IMMP2L: variants seen among roughly 807,000 people sequenced by gnomAD.
IMMP2L encodes the protein inner mitochondrial membrane peptidase subunit 2.
A neutral mutation model predicts 19.3 loss-of-function variants in IMMP2L; 18 were observed. The observed-to-expected ratio is 0.93, with a 90% CI of 0.64 to 1.38. IMMP2L has a LOEUF of 1.38. Ranked by LOEUF, IMMP2L falls within the 40% of genes most tolerant of loss-of-function variation. IMMP2L has a pLI of 0.00. For synonymous variants in IMMP2L, 76 were observed against 73.0 expected (o/e 1.04, Z -0.21); for missense variants, 233 against 218.2 (o/e 1.07, Z -0.43).
At chr7:111,004,745 C>T (rs889155229) in intron 3 of IMMP2L, among the ~76,000 whole-genome samples, 14 of 152,150 alleles carry the variant, frequency 9.2e-5, no homozygotes, top group Non-Finnish European at 1.5e-5. Context: ...TGGTTGTGTA[C>T]TCAGTGGCTG....
chr7:110,853,029 C>G (rs1348929852), intron 5 of IMMP2L, among the ~76,000 whole-genome samples: 1 of 151,928 alleles, frequency 6.6e-6, no homozygotes, highest in Non-Finnish European at 1.5e-5. Context: ...CAAAAGATTA[C>G]TAGAACAACA....
intron 3 of IMMP2L, among the ~76,000 whole-genome samples, chr7:111,174,041 A>G (rs1806757374): frequency 6.6e-6 from 1 of 151,720 alleles, no homozygotes; most frequent in Admixed American, 6.6e-5. Flanking sequence ...ATGGAATAGC[A>G]TACTTCAATT....
chr7:111,479,726 C>T (rs1842019185), intron 3 of IMMP2L, among the ~76,000 whole-genome samples: 1 of 152,010 alleles, frequency 6.6e-6, no homozygotes, highest in South Asian at 2.1e-4. Flanking sequence ...ATATAAGAAA[C>T]AGCATTCTCA....
intron 3 of IMMP2L, among the ~76,000 whole-genome samples, chr7:111,068,757 G>T (rs561256371): frequency 6.6e-6 from 1 of 152,058 alleles, no homozygotes; most frequent in Admixed American, 6.6e-5. Flanking sequence ...ACAGAAAATA[G>T]CAACATTAAT....
intron 3 of IMMP2L, among the ~76,000 whole-genome samples, chr7:111,031,659 T>C (rs1394245302): frequency 6.6e-6 from 1 of 152,146 alleles, no homozygotes; most frequent in East Asian, 1.9e-4. Flanking sequence ...TTTATGCCTA[T>C]ACTCTGCCCT....
intron 3 of IMMP2L, among the ~76,000 whole-genome samples, chr7:111,068,051 AAAAT>A (rs1456769862): frequency 5.9e-5 from 9 of 152,214 alleles, no homozygotes; most frequent in South Asian, 2.1e-4. Flanking sequence ...ATAAAAAAGA[AAAAT>A]AAATAAATAA....
chr7:110,892,204 C>T (rs1218150396), intron 4 of IMMP2L, among the ~76,000 whole-genome samples: 1 of 152,106 alleles, frequency 6.6e-6, no homozygotes, highest in Non-Finnish European at 1.5e-5. Context: ...TACCTCTGGT[C>T]CGTTCCCTGA....
chr7:111,023,110 A>G (rs563914571), intron 3 of IMMP2L, among the ~76,000 whole-genome samples: 1 of 152,310 alleles, frequency 6.6e-6, no homozygotes, highest in Non-Finnish European at 1.5e-5. Context: ...TGCTGTGGAC[A>G]TGAGGATGTG....
At chr7:110,894,989 T>C (rs1217364229) in intron 4 of IMMP2L, among the ~76,000 whole-genome samples, 1 of 152,154 alleles carries the variant, frequency 6.6e-6, no homozygotes, top group African/African-American at 2.4e-5. Context: ...TTACCCTATG[T>C]ATTAGTCCAT....
At chr7:111,289,056 G>A (rs1232661705) in intron 3 of IMMP2L, among the ~76,000 whole-genome samples, 1 of 152,040 alleles carries the variant, frequency 6.6e-6, no homozygotes, top group Non-Finnish European at 1.5e-5. Flanking sequence ...AAGAAAATGT[G>A]GCACATATAC....
chr7:111,311,054 G>T (rs1563044125), intron 3 of IMMP2L, among the ~76,000 whole-genome samples: 2 of 152,106 alleles, frequency 1.3e-5, no homozygotes, highest in Non-Finnish European at 2.9e-5. Flanking sequence ...TACTGCTTTT[G>T]ATTTGCTCTC....
At chr7:111,396,656 T>G (rs1445815409) in intron 3 of IMMP2L, among the ~76,000 whole-genome samples, 1 of 152,074 alleles carries the variant, frequency 6.6e-6, no homozygotes, top group East Asian at 1.9e-4. Flanking sequence ...TCCCAGAACT[T>G]AAAGTAAAAT....
chr7:111,394,373 T>C (rs981166835), intron 3 of IMMP2L, among the ~76,000 whole-genome samples: 1 of 152,164 alleles, frequency 6.6e-6, no homozygotes, highest in East Asian at 1.9e-4. Context: ...ATCATCAACA[T>C]CATCATCATT....
At chr7:111,066,285 G>A (rs1327621075) in intron 3 of IMMP2L, among the ~76,000 whole-genome samples, 1 of 151,948 alleles carries the variant, frequency 6.6e-6, no homozygotes, top group Non-Finnish European at 1.5e-5. Context: ...CTGGCTGCTA[G>A]GCTATAAATT....
intron 3 of IMMP2L, among the ~76,000 whole-genome samples, chr7:111,062,852 A>G (rs2129574619): frequency 6.6e-6 from 1 of 152,342 alleles, no homozygotes; most frequent in Non-Finnish European, 1.5e-5. Flanking sequence ...ATGGTCTTGG[A>G]CAGCTCTGCC....
Position 111,123,274 on chromosome 7 carries a change from C to T in IMMP2L, c.240-159709G>A, listed in dbSNP as rs970043745. 4 of 1,613,738 alleles carry T rather than the reference C, an allele frequency of 2.5e-6. No homozygotes were observed. The highest frequency in any genetic ancestry group is 1.3e-5 in the African/African-American group (1 of 75,014). ...CTTTATTGGCCTACATAATCTTCTT[C>T]GACTTCATCTCAATTCAAATAGATT... On this transcript the variant is annotated intron_variant, in intron 3 of 5. Coordinates refer to ENST00000405709, the MANE Select transcript of IMMP2L (RefSeq NM_032549.4). This position sits in a 1 kb window ranked among gnomAD's most constrained non-coding sequence, Gnocchi z 6.4.
chr7:111,112,749 G>C (rs1005113787), intron 3 of IMMP2L, among the ~76,000 whole-genome samples: 1 of 152,088 alleles, frequency 6.6e-6, no homozygotes, highest in Non-Finnish European at 1.5e-5. Flanking sequence ...GCTTATTATA[G>C]GGAACTAAAA....
chr7:110,900,755 T>G (rs1811777633), intron 4 of IMMP2L, among the ~76,000 whole-genome samples: 1 of 152,320 alleles, frequency 6.6e-6, no homozygotes, highest in South Asian at 2.1e-4. Flanking sequence ...CTAGAGCTGG[T>G]AGCATCCATT....
chr7:111,096,810 A>G (rs1797447910), intron 3 of IMMP2L, among the ~76,000 whole-genome samples: 2 of 151,942 alleles, frequency 1.3e-5, no homozygotes, highest in South Asian at 4.1e-4. Flanking sequence ...TGGGTTGAAA[A>G]TGACACACTA....
Sources: gnomAD v4.1 joint callset for allele counts (sites outside exome capture counted in the v4.1 genomes callset) on GRCh38, gnomAD v4.1.1 for gene constraint, Gnocchi (gnomAD v3.1) non-coding constraint, MANE v1.5 for transcripts, NCBI Gene and HGNC (gene_info 2026-07-23, HGNC 2026-07-21) for gene names.